TRAPPC8: variants seen among roughly 807,000 people sequenced by gnomAD.
TRAPPC8 encodes general sporulation gene 1 homolog.
A neutral mutation model predicts 174.3 loss-of-function variants in TRAPPC8; 54 were observed. That is an observed-to-expected ratio of 0.31 (90% CI 0.25 to 0.39). The LOEUF is 0.39. Ranked by LOEUF, TRAPPC8 falls within the 10% of genes least tolerant of loss-of-function variation. The pLI, the probability that TRAPPC8 is intolerant of heterozygous loss-of-function variation, is 1.00. For missense variants in TRAPPC8, 1,531 were observed against 1,699.1 expected, an observed-to-expected ratio of 0.90 and a Z score of 1.74; for synonymous variants, 630 against 579.9, an observed-to-expected ratio of 1.09 and a Z score of -1.24.
rs1429501368 is a variant in TRAPPC8, at chr18:31,942,758, G to C, written c.7C>G (p.Gln3Glu). 3 of 1,503,036 alleles carry C rather than the reference G, an allele frequency of 2.0e-6. No individual in the cohort carries two copies. Among genetic ancestry groups the C allele is most frequent in the Non-Finnish European group, 2.7e-6 (3 of 1,120,134 alleles). 93.1% of individuals were successfully genotyped at this position (1,503,036 alleles called of 1,614,324 possible). MAQCVQSVQELIP... is the reference protein window; with the variant it reads MAECVQSVQELIP... ...AGCTCCTGCACTGATTGTACACACT[G>C]GGCCATCGCCGCAGCACAGGCAGCG... Residue 3 changes from glutamine (Q) to glutamate (E), a missense_variant, in exon 1 of 29, where the codon CAG becomes GAG. Transcript: ENST00000283351.
rs191108556 is a variant in TRAPPC8 at position 31,936,803 on chromosome 18, G to T, written c.158-5280C>A. On this transcript the variant is annotated intron_variant, in intron 1 of 28. Coordinates refer to ENST00000283351, the MANE Select transcript of TRAPPC8 (RefSeq NM_014939.5). ...TGTAATGCCAGCTACTTAGGAGGCT[G>T]AGGCAGGAGAATTGCTTGAACCTGG... Among the ~76,000 whole-genome samples the T allele has an allele frequency of 3.1e-3, 468 of 151,164 alleles. 4 individuals are homozygous for T. The highest frequency in any genetic ancestry group is 0.011 in the African/African-American group (455 of 41,152).
At chr18:31,865,724 AAAAG>A (rs1391678195) in intron 18 of TRAPPC8, among the ~76,000 whole-genome samples, 8 of 151,752 alleles carry the variant, frequency 5.3e-5, no homozygotes, top group African/African-American at 1.7e-4. Context: ...TACAAGTGGG[AAAAG>A]AAAGGAGATT....
At chr18:31,866,724 T>C in intron 18 of TRAPPC8, 125 bp downstream of exon 18, 1 of 1,057,032 alleles carries the variant, frequency 9.5e-7, no homozygotes, top group South Asian at 2.4e-5. Flanking sequence ...TTCTTACATC[T>C]GGCTAAATGT....
At chr18:31,904,150 T>C (rs2036560101) in intron 9 of TRAPPC8, among the ~76,000 whole-genome samples, 1 of 150,684 alleles carries the variant, frequency 6.6e-6, no homozygotes, top group South Asian at 2.1e-4. Context: ...GGTAGGAGGA[T>C]CAGTTGAGCC....
intron 9 of TRAPPC8, 85 bp downstream of exon 9, chr18:31,907,375 T>C: frequency 7.4e-7 from 1 of 1,348,772 alleles, no homozygotes; most frequent in Non-Finnish European, 1.0e-6. Flanking sequence ...ACTTTATCCC[T>C]AAGGATTCTG....
chr18:31,882,845 G>A (rs2035522435), intron 12 of TRAPPC8, among the ~76,000 whole-genome samples: 1 of 150,076 alleles, frequency 6.7e-6, no homozygotes, highest in African/African-American at 2.4e-5. Flanking sequence ...TCGAACTCCT[G>A]AACTCGTGGT....
intron 1 of TRAPPC8, 152 bp downstream of exon 1, chr18:31,942,456 G>T: frequency 1.9e-6 from 2 of 1,034,958 alleles, no homozygotes; most frequent in Non-Finnish European, 2.6e-6. Context: ...TCCTCCAGCC[G>T]CCCCCGGAGC....
intron 18 of TRAPPC8, among the ~76,000 whole-genome samples, chr18:31,865,273 AAATT>A (rs2034531118): frequency 3.9e-5 from 6 of 152,126 alleles, no homozygotes; most frequent in Admixed American, 3.9e-4. Flanking sequence ...TGCACAAAGA[AAATT>A]AAATACAGTA....
chr18:31,845,058 C>A (rs908099299), intron 26 of TRAPPC8: 3 of 151,826 alleles, frequency 2.0e-5, no homozygotes, highest in Admixed American at 6.6e-5. Context: ...GTCAGGAGAT[C>A]GAGACCATCC....
chr18:31,928,006 A>G (rs1176414694), intron 2 of TRAPPC8, among the ~76,000 whole-genome samples: 1 of 151,802 alleles, frequency 6.6e-6, no homozygotes, highest in Non-Finnish European at 1.5e-5. Context: ...AAATACAAAA[A>G]TTAGCCGGGT....
chr18:31,936,755 A>G lies in TRAPPC8; in HGVS notation c.158-5232T>C, dbSNP rs144469056. On this transcript the variant is annotated intron_variant, in intron 1 of 28. Coordinates refer to ENST00000283351, the MANE Select transcript of TRAPPC8 (RefSeq NM_014939.5). ...TGTCTCTACTAACAACACGAAAATT[A>G]GCCAGGAGTGGTGGCCCGTGCCTGT... 6.4e-3 allele frequency among the ~76,000 whole-genome samples: 971 copies of G among 152,026 alleles called. 13 individuals carry two copies. The highest frequency in any genetic ancestry group is 0.021 in the African/African-American group (882 of 41,456).
At chr18:31,899,582 G>A (rs998781343) in intron 10 of TRAPPC8, among the ~76,000 whole-genome samples, 3 of 152,042 alleles carry the variant, frequency 2.0e-5, no homozygotes, top group African/African-American at 4.8e-5. Context: ...CTTTTATTAC[G>A]TCAACTCTCT....
At position 31,908,309 on chromosome 18, in the gene TRAPPC8, C is replaced by T; in HGVS notation, c.1232G>A (p.Gly411Asp). The T allele has an allele frequency of 6.3e-7, 1 of 1,595,476 alleles. No individual in the cohort carries two copies. Among genetic ancestry groups the T allele is most frequent in the African/African-American group, 1.3e-5 (1 of 74,098 alleles). ...ATGATAACACTTTACTCACAGCAAGCCAGATGTATTTTTCAGGTCATTAAT... is the reference window on the plus strand; with the variant it reads ...ATGATAACACTTTACTCACAGCAAGTCAGATGTATTTTTCAGGTCATTAAT... ...KSINDLKNTS[G>D]LLYPPEAPEL... The change falls in exon 8 of 29, where the codon GGC becomes GAC. Residue 411 changes from glycine to aspartate, a missense_variant. Transcript: ENST00000283351.
At chr18:31,871,488 AAC>A (rs1396617141) in intron 14 of TRAPPC8, among the ~76,000 whole-genome samples, 1 of 152,056 alleles carries the variant, frequency 6.6e-6, no homozygotes, top group African/African-American at 2.4e-5. Flanking sequence ...ATAAAAAAAA[AAC>A]ATCACAGATA....
At chr18:31,905,401 CTG>C (rs2036616319) in intron 9 of TRAPPC8, among the ~76,000 whole-genome samples, 2 of 152,182 alleles carry the variant, frequency 1.3e-5, no homozygotes, top group Non-Finnish European at 2.9e-5. Flanking sequence ...TGCATATGGA[CTG>C]TGTCTCCAGA....
chr18:31,889,607 G>A (rs2035869620), intron 12 of TRAPPC8, among the ~76,000 whole-genome samples: 1 of 147,412 alleles, frequency 6.8e-6, no homozygotes, highest in African/African-American at 2.5e-5. Context: ...GCCATGAAAA[G>A]TAGTAATAGT....
At chr18:31,892,501 A>G (rs1271698689) in intron 11 of TRAPPC8, among the ~76,000 whole-genome samples, 1 of 152,154 alleles carries the variant, frequency 6.6e-6, no homozygotes, top group Non-Finnish European at 1.5e-5. Flanking sequence ...AAATGATTTG[A>G]TAACTATCCT....
rs556676342 is a variant in TRAPPC8, at chr18:31,880,133, T to C, written c.1729-5429A>G. Among the ~76,000 whole-genome samples, 27 of 132,810 alleles carry C rather than the reference T, an allele frequency of 2.0e-4. No homozygotes were observed. In the South Asian group the frequency reaches 2.9e-3, roughly 14 times the overall value. 87.1% of individuals were successfully genotyped at this position (132,810 alleles called of 152,430 possible). On this transcript the variant is annotated intron_variant, in intron 12 of 28. Transcript: ENST00000283351. Reference sequence around the variant, plus strand: ...TATATATATATATATTTTTTTTTTTTTAAGGAAGAAAGATTCCTCCTTAAC... The same window carrying C: ...TATATATATATATATTTTTTTTTTTCTAAGGAAGAAAGATTCCTCCTTAAC...
Position 31,890,853 on chromosome 18 carries a change from C to T in TRAPPC8, c.1610G>A (p.Arg537Gln), listed in dbSNP as rs754569032. 1.4e-5 allele frequency: 23 copies of T among 1,607,270 alleles called. No homozygotes were observed. Among genetic ancestry groups the T allele is most frequent in the Non-Finnish European group, 1.8e-5 (21 of 1,176,582 alleles). The change falls in exon 12 of 29, where the codon CGA becomes CAA. Residue 537 changes from arginine to glutamine, a missense_variant. Transcript: ENST00000283351. Reference protein sequence around the residue: ...IRLTSEDSDLRSALLLEQAAH... With the variant: ...IRLTSEDSDLQSALLLEQAAH... The stretch of plus-strand genomic sequence containing the variant: ...TGCCTGTTCCAAAAGAAGTGCACTT[C>T]GAAGATCAGAATCCTAGTGAATGTT...
Sources: gnomAD v4.1 joint callset for allele counts (sites outside exome capture counted in the v4.1 genomes callset) on GRCh38, gnomAD v4.1.1 for gene constraint, MANE v1.5 for transcripts, NCBI Gene and HGNC (gene_info 2026-07-23, HGNC 2026-07-21) for gene names.